Variants in CLASP1 observed in about 807,000 individuals in gnomAD.
The protein encoded by CLASP1 is cytoplasmic linker associated protein 1, also known as CLIP-associating protein 1.
In CLASP1, 38 loss-of-function variants were observed where a neutral mutation model predicts 192.3. That is an observed-to-expected ratio of 0.20 (90% CI 0.15 to 0.26). The LOEUF (loss-of-function observed/expected upper bound fraction) is 0.26. Ranked by LOEUF, CLASP1 falls within the 10% of genes least tolerant of loss-of-function variation. The probability of loss-of-function intolerance (pLI) is 1.00; values close to 1 mark genes in which losing one functional copy is unlikely to be tolerated. For missense variants in CLASP1, 1,433 were observed against 1,932.5 expected (o/e 0.74, Z 4.85); for synonymous variants, 691 against 712.8 (o/e 0.97, Z 0.49).
At chr2:121,509,912 T>C (rs1312061763) in intron 7 of CLASP1, among the ~76,000 whole-genome samples, 1 of 152,120 alleles carries the variant, frequency 6.6e-6, no homozygotes, top group African/African-American at 2.4e-5. Context: ...TAACCACAAT[T>C]TGATAAAATC....
At chr2:121,611,689 T>G (rs1348909870) in intron 1 of CLASP1, among the ~76,000 whole-genome samples, 94 of 80,882 alleles carry the variant, frequency 1.2e-3, no homozygotes, top group Middle Eastern at 9.8e-3. Context: ...GGAGGAGGAG[T>G]TGGAGGAGTT....
chr2:121,593,783 G>T (rs574552542), intron 2 of CLASP1, among the ~76,000 whole-genome samples: 1 of 151,876 alleles, frequency 6.6e-6, no homozygotes, highest in African/African-American at 2.4e-5. Flanking sequence ...GGCCGAGGTG[G>T]GTGGATCACC....
At chr2:121,382,419 T>G in intron 32 of CLASP1, 95 bp from the exon 34 acceptor site, 2 of 722,106 alleles carry the variant, frequency 2.8e-6, no homozygotes, top group Non-Finnish European at 4.5e-6. Flanking sequence ...TCTTAGTCTC[T>G]TCTTTCCTTG....
chr2:121,459,119 T>TTG (rs2087308968), intron 12 of CLASP1, 144 bp from the exon 13 acceptor site: 1 of 536,618 alleles, frequency 1.9e-6, no homozygotes, highest in Non-Finnish European at 3.1e-6. Flanking sequence ...GTTAAGAACT[T>TTG]GGCAAATAGT....
chr2:121,478,003 T>C (rs2091851454), intron 8 of CLASP1, among the ~76,000 whole-genome samples: 4 of 152,222 alleles, frequency 2.6e-5, no homozygotes, highest in Admixed American at 2.6e-4. Context: ...TCTTACTGCA[T>C]ATGTTTGCTT....
chr2:121,530,977 T>G, intron 2 of CLASP1: 1 of 700,404 alleles, frequency 1.4e-6, no homozygotes, highest in Non-Finnish European at 2.6e-6. Flanking sequence ...AACTAGAGCT[T>G]TTGCTTTATT....
intron 7 of CLASP1, among the ~76,000 whole-genome samples, chr2:121,514,704 C>T (rs538002986): frequency 6.6e-6 from 1 of 152,356 alleles, no homozygotes; most frequent in African/African-American, 2.4e-5. Context: ...CTGGGGCCCA[C>T]TGCCGTCATG....
chr2:121,444,846 T>C, intron 19 of CLASP1: 1 of 746,132 alleles, frequency 1.3e-6, no homozygotes, highest in South Asian at 1.4e-5. Flanking sequence ...GCAGGGACCT[T>C]GGTGAGGACA....
chr2:121,473,142 G>A (rs2091050782), intron 8 of CLASP1, among the ~76,000 whole-genome samples: 1 of 151,264 alleles, frequency 6.6e-6, no homozygotes, highest in South Asian at 2.1e-4. Flanking sequence ...ATCAGGAGGG[G>A]CAAAAAAATC....
Position 121,531,003 on chromosome 2 carries a change from G to GA in CLASP1, c.196-679dup, listed in dbSNP as rs542752836. The GA allele has an allele frequency of 5.9e-4, 416 of 700,188 alleles. 3 individuals carry two copies. Among genetic ancestry groups the GA allele is most frequent in the African/African-American group, 5.6e-3 (320 of 57,254 alleles). 43.4% of individuals were successfully genotyped at this position (700,188 alleles called of 1,614,324 possible). ...TTGCTTTATTTTGGTGCAATTTTTG[G>GA]AAAAATGAAAACCTGTTTTCATAGA... On this transcript the variant is annotated intron_variant, in intron 2 of 39. Transcript: ENST00000263710.
intron 2 of CLASP1, among the ~76,000 whole-genome samples, chr2:121,538,694 A>C (rs1421892691): frequency 2.6e-5 from 4 of 151,548 alleles, no homozygotes; most frequent in African/African-American, 9.7e-5. Context: ...GCTGAGGCAG[A>C]GAATTGCTTG....
chr2:121,630,410 A>ACACC (rs1379465443), intron 1 of CLASP1, among the ~76,000 whole-genome samples: 5 of 151,772 alleles, frequency 3.3e-5, no homozygotes, highest in African/African-American at 1.2e-4. Context: ...ACACACACAC[A>ACACC]CACACACACA....
intron 23 of CLASP1, among the ~76,000 whole-genome samples, chr2:121,413,049 A>G (rs907260642): frequency 3.9e-5 from 6 of 152,076 alleles, no homozygotes; most frequent in Non-Finnish European, 7.4e-5. Flanking sequence ...CTTGAGCCCA[A>G]GAGTTTTGAG....
At chr2:121,387,702 A>G in intron 31 of CLASP1, 61 bp downstream of exon 32, 1 of 1,546,176 alleles carries the variant, frequency 6.5e-7, no homozygotes, top group Non-Finnish European at 8.9e-7. Context: ...TAGGTTCTAG[A>G]TAAGGGCTAC....
intron 8 of CLASP1, among the ~76,000 whole-genome samples, chr2:121,500,949 C>A (rs893321183): frequency 6.6e-6 from 1 of 152,096 alleles, no homozygotes; most frequent in African/African-American, 2.4e-5. Context: ...AATTTGGGGG[C>A]AATATTTATA....
intron 2 of CLASP1, among the ~76,000 whole-genome samples, chr2:121,534,311 G>C (rs910779805): frequency 5.3e-5 from 8 of 152,178 alleles, no homozygotes; most frequent in Admixed American, 2.6e-4. Flanking sequence ...TTTAGGAGGA[G>C]AGTGAGTTGG....
At chr2:121,408,933 A>T in intron 24 of CLASP1, 1 of 966,412 alleles carries the variant, frequency 1.0e-6, no homozygotes, top group Non-Finnish European at 1.6e-6. Flanking sequence ...GAATTTCTAT[A>T]CTACATTTTT....
Position 121,490,970 on chromosome 2 carries a change from TAATA to T in CLASP1, c.712+12193_712+12196del, listed in dbSNP as rs765572358. 5.3e-4 allele frequency among the ~76,000 whole-genome samples: 80 copies of T among 152,230 alleles called. 1 individual carries two copies. Among genetic ancestry groups the T allele is most frequent in the Non-Finnish European group, 1.0e-3 (70 of 68,040 alleles). ...CATGGATAATAATGACTTGGCTTCTTAATAAAGAAAAGACAACTGATTTGCCTTT... is the reference window on the plus strand; with the variant it reads ...CATGGATAATAATGACTTGGCTTCTTAAGAAAAGACAACTGATTTGCCTTT... On this transcript the variant is annotated intron_variant, in intron 8 of 39. Transcript: ENST00000263710.
exon 37 of CLASP1, chr2:121,363,292 A>C: frequency 6.2e-7 from 1 of 1,613,774 alleles, no homozygotes; most frequent in Non-Finnish European, 8.5e-7. Context: ...CCAGTGCTCG[A>C]ATTGAATGCT....
Sources: gnomAD v4.1 joint callset for allele counts (sites outside exome capture counted in the v4.1 genomes callset) on GRCh38, gnomAD v4.1.1 for gene constraint, MANE v1.5 for transcripts, NCBI Gene and HGNC (gene_info 2026-07-23, HGNC 2026-07-21) for gene names.